KCNH8: variants seen among roughly 807,000 people sequenced by gnomAD.
The protein encoded by KCNH8 is voltage-gated delayed rectifier potassium channel KCNH8.
A neutral mutation model predicts 103.6 loss-of-function variants in KCNH8; 70 were observed. That is an observed-to-expected ratio of 0.68 (90% CI 0.56 to 0.82). KCNH8 has a LOEUF of 0.82. KCNH8 is among the 40% of genes least tolerant of loss of function. The pLI, the probability that KCNH8 is intolerant of heterozygous loss-of-function variation, is 0.00. For synonymous variants in KCNH8, 498 were observed against 489.4 expected (o/e 1.02, Z -0.23); for missense variants, 1,217 against 1,329.9 (o/e 0.92, Z 1.32).
intron 3 of KCNH8, among the ~76,000 whole-genome samples, chr3:19,299,445 C>G (rs1280705919): frequency 6.6e-6 from 1 of 152,042 alleles, no homozygotes; most frequent in Non-Finnish European, 1.5e-5. Flanking sequence ...GATTGGGCAA[C>G]ATAGTGAGAC....
chr3:19,205,988 A>G (rs961442609), intron 1 of KCNH8, among the ~76,000 whole-genome samples: 1 of 151,408 alleles, frequency 6.6e-6, no homozygotes, highest in Non-Finnish European at 1.5e-5. Context: ...CTGAGTCCCT[A>G]TAGTCCATTG....
At chr3:19,476,333 A>G (rs2067975421) in intron 11 of KCNH8, among the ~76,000 whole-genome samples, 1 of 152,194 alleles carries the variant, frequency 6.6e-6, no homozygotes, top group African/African-American at 2.4e-5. Flanking sequence ...GCAGCAAATT[A>G]GGCATTTCGC....
Position 19,474,352 on chromosome 3 carries a change from C to A in KCNH8, c.2040+17370C>A, listed in dbSNP as rs992153091. On this transcript the variant is annotated intron_variant, in intron 11 of 15. Coordinates refer to ENST00000328405, the MANE Select transcript of KCNH8 (RefSeq NM_144633.3). ...CACAGACTGTGCTCAGCAGGCAGATCTGGAGGCCTCCAGTTTGATCAGATT... is the reference window on the plus strand; with the variant it reads ...CACAGACTGTGCTCAGCAGGCAGATATGGAGGCCTCCAGTTTGATCAGATT... Among the ~76,000 whole-genome samples the A allele has an allele frequency of 2.6e-5, 4 of 152,162 alleles. No homozygotes were observed. In the South Asian group the frequency reaches 8.3e-4, roughly 31 times the overall value.
chr3:19,424,873 T>G (rs1338129852), intron 7 of KCNH8, among the ~76,000 whole-genome samples: 2 of 152,174 alleles, frequency 1.3e-5, no homozygotes, highest in Non-Finnish European at 2.9e-5. Flanking sequence ...AAATTTTAAA[T>G]GTGCATTAAT....
intron 7 of KCNH8, among the ~76,000 whole-genome samples, chr3:19,424,895 G>A (rs2125160199): frequency 6.6e-6 from 1 of 152,174 alleles, no homozygotes; most frequent in Non-Finnish European, 1.5e-5. Context: ...TTTGCATTAT[G>A]AGTATTTCAA....
At chr3:19,385,363 A>C (rs2066342473) in intron 5 of KCNH8, among the ~76,000 whole-genome samples, 1 of 152,194 alleles carries the variant, frequency 6.6e-6, no homozygotes, top group Non-Finnish European at 1.5e-5. Context: ...AAAACATGAA[A>C]AAATAACTAC....
chr3:19,291,344 A>T (rs1195232890), intron 3 of KCNH8, among the ~76,000 whole-genome samples: 1 of 151,972 alleles, frequency 6.6e-6, no homozygotes, highest in African/African-American at 2.4e-5. Flanking sequence ...TTAGGGTGTC[A>T]ATTTTAGATC....
intron 1 of KCNH8, among the ~76,000 whole-genome samples, chr3:19,243,089 T>A (rs2064162670): frequency 6.6e-6 from 1 of 152,160 alleles, no homozygotes; most frequent in Non-Finnish European, 1.5e-5. Context: ...GGGCCACAGA[T>A]TCAAAATACA....
intron 11 of KCNH8, among the ~76,000 whole-genome samples, chr3:19,501,297 C>CTT (rs2068577468): frequency 6.6e-6 from 1 of 152,108 alleles, no homozygotes; most frequent in Non-Finnish European, 1.5e-5. Context: ...AGCTTACCAA[C>CTT]GAAAAAGAGT....
intron 7 of KCNH8, among the ~76,000 whole-genome samples, chr3:19,407,486 T>C (rs2066710281): frequency 6.6e-6 from 1 of 152,116 alleles, no homozygotes; most frequent in Non-Finnish European, 1.5e-5. Context: ...ATCTGTTCAC[T>C]TGGGTCAGCA....
At chr3:19,500,932 A>G (rs2068567800) in intron 11 of KCNH8, among the ~76,000 whole-genome samples, 1 of 152,234 alleles carries the variant, frequency 6.6e-6, no homozygotes. Context: ...AGATCAGAGC[A>G]GAACTGAAGG....
At chr3:19,218,913 C>T (rs2063843523) in intron 1 of KCNH8, among the ~76,000 whole-genome samples, 1 of 152,090 alleles carries the variant, frequency 6.6e-6, no homozygotes, top group Non-Finnish European at 1.5e-5. Flanking sequence ...GATTAGGGGC[C>T]CACCTTATTC....
intron 1 of KCNH8, among the ~76,000 whole-genome samples, chr3:19,236,099 T>C (rs2064061289): frequency 6.6e-6 from 1 of 152,168 alleles, no homozygotes; most frequent in Non-Finnish European, 1.5e-5. Context: ...CTTTAAATAG[T>C]ATATAAAAGG....
chr3:19,289,677 G>A (rs367685364), intron 3 of KCNH8, among the ~76,000 whole-genome samples: 2 of 151,896 alleles, frequency 1.3e-5, no homozygotes, highest in South Asian at 4.2e-4. Flanking sequence ...CCAGCTTTTG[G>A]CTGGAGGATT....
chr3:19,333,098 G>A (rs77288535), intron 3 of KCNH8, among the ~76,000 whole-genome samples: 1 of 152,082 alleles, frequency 6.6e-6, no homozygotes, highest in African/African-American at 2.4e-5. Context: ...CAATTTGCAT[G>A]CCCCTAATGG....
At chr3:19,299,992 T>G (rs1316718660) in intron 3 of KCNH8, among the ~76,000 whole-genome samples, 1 of 152,136 alleles carries the variant, frequency 6.6e-6, no homozygotes, top group African/African-American at 2.4e-5. Context: ...CTCACGCCTG[T>G]AATCCCAGCC....
intron 15 of KCNH8, among the ~76,000 whole-genome samples, chr3:19,524,582 T>A (rs954832869): frequency 6.6e-6 from 1 of 150,820 alleles, no homozygotes; most frequent in Admixed American, 6.6e-5. Flanking sequence ...ACAATGTGGA[T>A]CTCTCAAAAG....
intron 11 of KCNH8, among the ~76,000 whole-genome samples, chr3:19,491,555 G>A (rs982240116): frequency 2.6e-5 from 4 of 152,104 alleles, no homozygotes; most frequent in Non-Finnish European, 5.9e-5. Flanking sequence ...CACTGTGGTG[G>A]ATATGTACCA....
At chr3:19,415,678 A>C (rs1358173574) in intron 7 of KCNH8, among the ~76,000 whole-genome samples, 1 of 152,080 alleles carries the variant, frequency 6.6e-6, no homozygotes, top group African/African-American at 2.4e-5. Context: ...GTGCATCTGC[A>C]AAGTTAACAT....
Sources: allele counts gnomAD v4.1 joint callset (sites outside exome capture counted in the v4.1 genomes callset), GRCh38; gene constraint gnomAD v4.1.1; transcripts MANE v1.5; gene names NCBI Gene and HGNC (gene_info 2026-07-23, HGNC 2026-07-21).